The following ECHDC1 variants were observed in gnomAD, a reference collection of about 807,000 sequenced individuals.
The protein encoded by ECHDC1 is ethylmalonyl-CoA decarboxylase 1.
In ECHDC1, 29 loss-of-function variants were observed where a neutral mutation model predicts 29.7. The observed-to-expected ratio is 0.98, with a 90% confidence interval of 0.73 to 1.33. ECHDC1 has a LOEUF of 1.33. Among genes scored for constraint, ECHDC1 ranks in the 40% most tolerant of loss-of-function variants. ECHDC1 has a pLI of 0.00. For synonymous variants in ECHDC1, 126 were observed against 123.1 expected (o/e 1.02, Z -0.15); for missense variants, 328 against 350.0 (o/e 0.94, Z 0.50).
At chr6:127,326,752 T>C in intron 3 of ECHDC1, 2 of 432,212 alleles carry the variant, frequency 4.6e-6, no homozygotes, top group Non-Finnish European at 8.4e-6. Context: ...TCTGCTAAAC[T>C]AGAAATAACA....
chr6:127,329,226 A>C (rs977318796), intron 2 of ECHDC1, among the ~76,000 whole-genome samples: 1 of 152,114 alleles, frequency 6.6e-6, no homozygotes, highest in Admixed American at 6.5e-5. Context: ...TAAACCTCAA[A>C]AGATGGAAGA....
At chr6:127,309,269 C>G (rs1344354503) in intron 5 of ECHDC1, among the ~76,000 whole-genome samples, 1 of 151,814 alleles carries the variant, frequency 6.6e-6, no homozygotes, top group Non-Finnish European at 1.5e-5. Context: ...GAATAGAGAA[C>G]CCAGAAACAA....
intron 1 of ECHDC1, among the ~76,000 whole-genome samples, chr6:127,334,387 T>G (rs1285059155): frequency 1.3e-5 from 2 of 152,134 alleles, no homozygotes; most frequent in Non-Finnish European, 2.9e-5. Flanking sequence ...AAATGGTTAC[T>G]TCCTTCTGAT....
intron 5 of ECHDC1, among the ~76,000 whole-genome samples, chr6:127,292,260 C>T (rs1295800457): frequency 6.6e-6 from 1 of 151,924 alleles, no homozygotes; most frequent in African/African-American, 2.4e-5. Context: ...TGTAGATGAG[C>T]TTATGACAAC....
intron 5 of ECHDC1, among the ~76,000 whole-genome samples, chr6:127,291,967 T>C (rs1562302107): frequency 2.0e-5 from 3 of 152,104 alleles, no homozygotes; most frequent in Non-Finnish European, 2.9e-5. Context: ...TCTGAATTTA[T>C]CACAATATTG....
intron 1 of ECHDC1, among the ~76,000 whole-genome samples, chr6:127,335,242 T>C (rs1386960168): frequency 1.3e-5 from 2 of 152,116 alleles, no homozygotes; most frequent in African/African-American, 4.8e-5. Context: ...GAACACACAG[T>C]GGGATGTAAT....
chr6:127,324,032 G>C (rs1783077677), intron 3 of ECHDC1, among the ~76,000 whole-genome samples: 1 of 152,128 alleles, frequency 6.6e-6, no homozygotes, highest in Non-Finnish European at 1.5e-5. Flanking sequence ...AGATGCTAAA[G>C]AGCTTCCACT....
At chr6:127,322,178 C>T (rs576088250) in intron 3 of ECHDC1, among the ~76,000 whole-genome samples, 39 of 151,704 alleles carry the variant, frequency 2.6e-4, no homozygotes, top group South Asian at 4.2e-4. Flanking sequence ...TGGTGGCCCA[C>T]GCCTGTAATC....
chr6:127,324,373 G>A (rs1783112274), intron 3 of ECHDC1, among the ~76,000 whole-genome samples: 1 of 152,100 alleles, frequency 6.6e-6, no homozygotes, highest in Non-Finnish European at 1.5e-5. Flanking sequence ...ATATCCCATG[G>A]AGCTGAGGCT....
intron 5 of ECHDC1, among the ~76,000 whole-genome samples, chr6:127,297,711 CAA>C (rs1780724016): frequency 6.6e-6 from 1 of 152,258 alleles, no homozygotes; most frequent in Non-Finnish European, 1.5e-5. Context: ...GTTAAACAAA[CAA>C]GAGAAGCTTC....
intron 1 of ECHDC1, among the ~76,000 whole-genome samples, chr6:127,337,798 ATTCT>A (rs1784565134): frequency 1.3e-5 from 2 of 152,322 alleles, no homozygotes; most frequent in South Asian, 4.1e-4. Context: ...CTCAACCATT[ATTCT>A]TTCTGTTTCA....
chr6:127,320,343 G>A (rs1782739769), intron 3 of ECHDC1, among the ~76,000 whole-genome samples: 1 of 152,084 alleles, frequency 6.6e-6, no homozygotes, highest in Admixed American at 6.6e-5. Flanking sequence ...ATCAGGGTAT[G>A]GTACAATAGT....
chr6:127,295,712 CA>C (rs1422361451), intron 5 of ECHDC1, among the ~76,000 whole-genome samples: 3 of 152,130 alleles, frequency 2.0e-5, no homozygotes, highest in African/African-American at 7.2e-5. Context: ...TGGCTATTAC[CA>C]AAAGCCTTGA....
At chr6:127,312,397 T>C (rs1244966571) in intron 5 of ECHDC1, among the ~76,000 whole-genome samples, 2 of 152,168 alleles carry the variant, frequency 1.3e-5, no homozygotes, top group African/African-American at 4.8e-5. Context: ...ACCCGTCAAA[T>C]GGCTAAATCT....
chr6:127,326,696 G>A (rs1483906566), intron 3 of ECHDC1: 4 of 359,492 alleles, frequency 1.1e-5, no homozygotes, highest in African/African-American at 8.4e-5. Context: ...CAGCAAGAGA[G>A]AGAGAGAATC....
At chr6:127,333,658 CTT>C (rs964847072) in intron 1 of ECHDC1, among the ~76,000 whole-genome samples, 4 of 144,732 alleles carry the variant, frequency 2.8e-5, no homozygotes, top group Non-Finnish European at 4.5e-5. Flanking sequence ...ATCATACTCT[CTT>C]TCTCTTACAC....
At chr6:127,331,104 G>C (rs2114683314) in intron 1 of ECHDC1, 74 bp from the exon 2 acceptor site, 1 of 1,160,176 alleles carries the variant, frequency 8.6e-7, no homozygotes, top group Non-Finnish European at 1.2e-6. Flanking sequence ...GTGTTAATAG[G>C]CTGTAGTAAT....
intron 5 of ECHDC1, among the ~76,000 whole-genome samples, chr6:127,301,927 T>C (rs1781083842): frequency 6.6e-6 from 1 of 152,174 alleles, no homozygotes; most frequent in Non-Finnish European, 1.5e-5. Flanking sequence ...GGTGCTGAAA[T>C]ATGTTTAATA....
intron 4 of ECHDC1, chr6:127,315,619 C>A: frequency 3.9e-6 from 1 of 258,312 alleles, no homozygotes; most frequent in Non-Finnish European, 7.7e-6. Flanking sequence ...ATATACACTG[C>A]TCCCATGTAG....
Sources: allele counts gnomAD v4.1 joint callset (sites outside exome capture counted in the v4.1 genomes callset), GRCh38; gene constraint gnomAD v4.1.1; transcripts MANE v1.5; gene names NCBI Gene and HGNC (gene_info 2026-07-23, HGNC 2026-07-21).